ATG7: variants seen among roughly 807,000 people sequenced by gnomAD.
The protein encoded by ATG7 is autophagy related 7.
A neutral mutation model predicts 82.4 loss-of-function variants in ATG7; 70 were observed. The observed-to-expected ratio is 0.85, with a 90% CI of 0.70 to 1.04. ATG7 has a LOEUF of 1.04. Among genes scored for constraint, ATG7 ranks in the 50% least tolerant of loss-of-function variants. ATG7 has a pLI of 0.00. For missense variants in ATG7, 792 were observed against 864.3 expected (o/e 0.92, Z 1.05); for synonymous variants, 287 against 313.0 (o/e 0.92, Z 0.88).
At chr3:11,456,579 C>T (rs1034734218) in intron 20 of ATG7, among the ~76,000 whole-genome samples, 2 of 152,028 alleles carry the variant, frequency 1.3e-5, no homozygotes, top group African/African-American at 2.4e-5. Context: ...ATACTTAAAC[C>T]CATGGTGTTT....
chr3:11,410,146 A>G (rs778860863), intron 19 of ATG7, among the ~76,000 whole-genome samples: 8 of 152,230 alleles, frequency 5.3e-5, no homozygotes, highest in African/African-American at 1.2e-4. Context: ...TCTATAGGTC[A>G]AATTGGGAAA....
intron 18 of ATG7, among the ~76,000 whole-genome samples, chr3:11,372,831 TGTGTGCGTGCGTGCGTGTGC>T (rs796833920): frequency 0.024 from 2,750 of 116,216 alleles, 177 homozygotes; most frequent in African/African-American, 0.11. Flanking sequence ...CGTGTGCGTG[TGTGTGCGTGCGTGCGTGTGC>T]GTGTGTGTGT....
intron 15 of ATG7, among the ~76,000 whole-genome samples, chr3:11,359,164 G>A (rs2076124351): frequency 6.6e-6 from 1 of 152,096 alleles, no homozygotes. Context: ...TGAGAGAGGA[G>A]AAAGAGGACA....
chr3:11,467,314 CTGT>C (rs1362018566), intron 20 of ATG7, among the ~76,000 whole-genome samples: 2 of 152,150 alleles, frequency 1.3e-5, no homozygotes, highest in Non-Finnish European at 2.9e-5. Context: ...CTCACCTAAC[CTGT>C]TGTTCTCATT....
At chr3:11,546,245 C>A (rs1006980709) in intron 20 of ATG7, among the ~76,000 whole-genome samples, 1 of 126,638 alleles carries the variant, frequency 7.9e-6, no homozygotes, top group African/African-American at 3.0e-5. Context: ...AATCTCGGTT[C>A]ACTGCAACCT....
chr3:11,428,794 G>A (rs1290994821), intron 20 of ATG7, among the ~76,000 whole-genome samples: 2 of 152,150 alleles, frequency 1.3e-5, no homozygotes, highest in Admixed American at 6.5e-5. Context: ...AGTAACTTAT[G>A]TATTGTTAGC....
At position 11,317,082 on chromosome 3, in the gene ATG7, C is replaced by T. The variant is rs781614090; in HGVS notation, c.678+1589C>T. Reference sequence around the variant, plus strand: ...GTCTTGATCTCCTGGCCTTGTGATCCGCCCACCTCGGCCTCCCAAAGTGCT... The same window carrying T: ...GTCTTGATCTCCTGGCCTTGTGATCTGCCCACCTCGGCCTCCCAAAGTGCT... On this transcript the variant is annotated intron_variant, in intron 9 of 20. Transcript: ENST00000693202. Among the ~76,000 whole-genome samples, 23 of 152,112 alleles carry T rather than the reference C, an allele frequency of 1.5e-4. No individual in the cohort carries two copies. The East Asian group carries it at 4.3e-3, about 28-fold the overall frequency.
At chr3:11,309,117 C>T in intron 7 of ATG7, 56 bp downstream of exon 7, 2 of 1,458,426 alleles carry the variant, frequency 1.4e-6, no homozygotes, top group Non-Finnish European at 1.9e-6. Flanking sequence ...TGGCTTAGCC[C>T]AGTGTACCAG....
intron 3 of ATG7, among the ~76,000 whole-genome samples, chr3:11,294,387 A>AT (rs11391218): frequency 0.52 from 79,094 of 150,742 alleles, 21,721 homozygotes; most frequent in Non-Finnish European, 0.63. Context: ...CACCCGGCTA[A>AT]TTTTTTTTTA....
intron 9 of ATG7, among the ~76,000 whole-genome samples, chr3:11,324,091 A>G (rs1012844908): frequency 6.6e-6 from 1 of 152,210 alleles, no homozygotes; most frequent in East Asian, 1.9e-4. Context: ...AGAAAGGAAC[A>G]TTTATTTCAT....
At chr3:11,384,510 A>G (rs1401260626) in intron 19 of ATG7, among the ~76,000 whole-genome samples, 1 of 152,242 alleles carries the variant, frequency 6.6e-6, no homozygotes, top group Non-Finnish European at 1.5e-5. Context: ...CTGGGCATAT[A>G]TCTTGAAGAG....
chr3:11,469,542 A>G (rs2087211246), intron 20 of ATG7, among the ~76,000 whole-genome samples: 1 of 152,166 alleles, frequency 6.6e-6, no homozygotes, highest in Non-Finnish European at 1.5e-5. Context: ...GTTCATCTCC[A>G]TACTCTTAAA....
intron 9 of ATG7, among the ~76,000 whole-genome samples, chr3:11,326,406 C>T (rs1225342660): frequency 1.3e-5 from 2 of 152,102 alleles, no homozygotes; most frequent in Non-Finnish European, 2.9e-5. Flanking sequence ...TCACACCATT[C>T]TCCTGCCTCA....
chr3:11,383,381 G>A (rs897030146), intron 19 of ATG7, among the ~76,000 whole-genome samples: 7 of 152,124 alleles, frequency 4.6e-5, no homozygotes, highest in Admixed American at 4.6e-4. Flanking sequence ...ATTTTTGGTG[G>A]AAATACCAAA....
At chr3:11,549,247 T>G (rs181239369) in intron 20 of ATG7, among the ~76,000 whole-genome samples, 1 of 152,330 alleles carries the variant, frequency 6.6e-6, no homozygotes, top group East Asian at 1.9e-4. Flanking sequence ...TTAGGGTTGT[T>G]TTCTTAAAAA....
chr3:11,340,740 A>G lies in ATG7; in HGVS notation c.980+5A>G. The G allele has an allele frequency of 6.2e-7, 1 of 1,612,148 alleles. No homozygotes were observed. The highest frequency in any genetic ancestry group is 1.7e-5 in the Admixed American group (1 of 59,898). Reference sequence around the variant, plus strand: ...TGAATGTATGGACCCTAAAAGGTATATTTGGGAAGCTGTTTTCTCCAGTCG... The same window carrying G: ...TGAATGTATGGACCCTAAAAGGTATGTTTGGGAAGCTGTTTTCTCCAGTCG... On this transcript the variant is annotated splice_donor_5th_base_variant and intron_variant, in intron 12 of 20. Coordinates refer to ENST00000693202, the MANE Select transcript of ATG7 (RefSeq NM_001349232.2).
At chr3:11,278,075 C>A (rs1261566101) in intron 1 of ATG7, among the ~76,000 whole-genome samples, 1 of 152,114 alleles carries the variant, frequency 6.6e-6, no homozygotes, top group Non-Finnish European at 1.5e-5. Flanking sequence ...TGGTTGTCTT[C>A]CCTTGTTCCC....
chr3:11,334,683 C>T (rs985434842), intron 11 of ATG7, among the ~76,000 whole-genome samples: 6 of 151,410 alleles, frequency 4.0e-5, no homozygotes, highest in Non-Finnish European at 8.8e-5. Flanking sequence ...CAAGGCCAGG[C>T]GCCGTGGGTT....
At chr3:11,446,614 A>T (rs2084581888) in intron 20 of ATG7, 1 of 363,192 alleles carries the variant, frequency 2.8e-6, no homozygotes, top group Non-Finnish European at 5.3e-6. Context: ...GGCACATGAT[A>T]CATCATGGTA....
Sources: allele counts gnomAD v4.1 joint callset (sites outside exome capture counted in the v4.1 genomes callset), GRCh38; gene constraint gnomAD v4.1.1; transcripts MANE v1.5; gene names NCBI Gene and HGNC (gene_info 2026-07-23, HGNC 2026-07-21).